The following KCNK10 variants were observed in gnomAD, a reference collection of about 807,000 sequenced individuals.
KCNK10 encodes potassium channel subfamily K member 10.
A neutral mutation model predicts 47.7 loss-of-function variants in KCNK10; 25 were observed. The observed-to-expected ratio is 0.52, with a 90% confidence interval of 0.38 to 0.73. The LOEUF is 0.73. KCNK10 is among the 30% of genes least tolerant of loss of function. The pLI is 0.00. For synonymous variants in KCNK10, 303 were observed against 285.6 expected, an observed-to-expected ratio of 1.06 and a Z score of -0.61; for missense variants, 563 against 714.5, an observed-to-expected ratio of 0.79 and a Z score of 2.42.
intron 1 of KCNK10, among the ~76,000 whole-genome samples, chr14:88,284,325 G>GCATTAGTCA (rs1305966424): frequency 6.6e-6 from 1 of 152,086 alleles, no homozygotes; most frequent in East Asian, 1.9e-4. Context: ...CTCCATGACT[G>GCATTAGTCA]CATTAGTCAG....
intron 2 of KCNK10, among the ~76,000 whole-genome samples, chr14:88,242,897 A>G (rs1201567037): frequency 6.6e-6 from 1 of 152,204 alleles, no homozygotes; most frequent in Non-Finnish European, 1.5e-5. Context: ...AGGTTGCCTC[A>G]AATCATACCA....
rs3994047 is a variant in KCNK10, at chr14:88,274,549, T to TAAAAAAAAAAAAAAAAAAAA, written c.53-10999_53-10998insTTTTTTTTTTTTTTTTTTTT. 9.9e-5 allele frequency among the ~76,000 whole-genome samples: 4 copies of TAAAAAAAAAAAAAAAAAAAA among 40,502 alleles called. 1 individual carries two copies. Among genetic ancestry groups the TAAAAAAAAAAAAAAAAAAAA allele is most frequent in the African/African-American group, 1.1e-4 (1 of 9,490 alleles). 26.6% of individuals were successfully genotyped at this position (40,502 alleles called of 152,430 possible). A position where few individuals can be genotyped will look rare whatever the true frequency, so the allele number is the denominator to read the frequency against. On this transcript the variant is annotated intron_variant, in intron 1 of 6. Coordinates refer to ENST00000319231, the MANE Select transcript of KCNK10 (RefSeq NM_138317.3). ...CTGGGTGACAGAGTGAGACTCTATC[T>TAAAAAAAAAAAAAAAAAAAA]AAAAAAAAAAAAAAAAAGATCTTAT...
intron 3 of KCNK10, among the ~76,000 whole-genome samples, chr14:88,229,012 C>G (rs367805304): frequency 1.3e-5 from 2 of 152,162 alleles, no homozygotes; most frequent in Non-Finnish European, 2.9e-5. Flanking sequence ...ATAAATGAGC[C>G]TCTACAGTTT....
At chr14:88,269,707 G>A (rs1263533445) in intron 1 of KCNK10, among the ~76,000 whole-genome samples, 1 of 152,116 alleles carries the variant, frequency 6.6e-6, no homozygotes, top group Non-Finnish European at 1.5e-5. Context: ...AAAGTGCTGG[G>A]ATTACAAGTA....
intron 4 of KCNK10, among the ~76,000 whole-genome samples, chr14:88,197,859 GGAGAGAGAGAGAGAGAGA>G (rs71126969): frequency 8.0e-6 from 1 of 125,352 alleles, no homozygotes; most frequent in Non-Finnish European, 1.6e-5. Flanking sequence ...AGGAGGGAAG[GGAGAGAGAGAGAGAGAGA>G]GAGAGAGAGA....
At chr14:88,230,873 G>T (rs1886140487) in intron 3 of KCNK10, among the ~76,000 whole-genome samples, 1 of 152,166 alleles carries the variant, frequency 6.6e-6, no homozygotes, top group South Asian at 2.1e-4. Context: ...CACCTCATGT[G>T]GTTATGCAGG....
chr14:88,227,385 T>C lies in KCNK10; in HGVS notation c.671A>G (p.Lys224Arg). Residue 224 changes from lysine (K) to arginine (R), a missense_variant, in exon 4 of 7, where the codon AAG becomes AGG. Transcript: ENST00000319231. Reference protein sequence around the residue: ...IFGKSIARVEKVFRKKQVSQT... With the variant: ...IFGKSIARVERVFRKKQVSQT... Reference sequence around the variant, plus strand: ...TGACACAGTACTCACTCGAAAGACCTTCTCCACTCTTGCAATGCTTTTCCC... The same window carrying C: ...TGACACAGTACTCACTCGAAAGACCCTCTCCACTCTTGCAATGCTTTTCCC... 2 of 1,610,334 alleles carry C rather than the reference T, an allele frequency of 1.2e-6. No individual in the cohort carries two copies. Among genetic ancestry groups the C allele is most frequent in the Non-Finnish European group, 1.7e-6 (2 of 1,178,732 alleles).
chr14:88,326,156 G>T (rs1888656740), upstream of KCNK10, among the ~76,000 whole-genome samples: 1 of 148,716 alleles, frequency 6.7e-6, no homozygotes, highest in Admixed American at 6.7e-5. Flanking sequence ...TCCTTTCTCA[G>T]AATGTAGACA....
At chr14:88,263,860 C>T (rs1218274343) in intron 1 of KCNK10, among the ~76,000 whole-genome samples, 2 of 152,158 alleles carry the variant, frequency 1.3e-5, no homozygotes, top group Non-Finnish European at 2.9e-5. Flanking sequence ...TTCACCTCCT[C>T]CCTTAGCTTC....
chr14:88,251,873 T>C (rs779164053), intron 2 of KCNK10, among the ~76,000 whole-genome samples: 4 of 152,176 alleles, frequency 2.6e-5, no homozygotes, highest in African/African-American at 9.7e-5. Context: ...CTTCCTCCCA[T>C]CCAGGGCCTT....
At chr14:88,214,689 T>G (rs1885564488) in intron 4 of KCNK10, among the ~76,000 whole-genome samples, 1 of 152,144 alleles carries the variant, frequency 6.6e-6, no homozygotes, top group Non-Finnish European at 1.5e-5. Context: ...AGATATTAAC[T>G]AATAATGAGC....
chr14:88,188,835 C>G (rs1195683554), intron 5 of KCNK10, among the ~76,000 whole-genome samples: 1 of 152,204 alleles, frequency 6.6e-6, no homozygotes. Flanking sequence ...ACTGGCTGTT[C>G]CATTGAAAGG....
intron 3 of KCNK10, among the ~76,000 whole-genome samples, chr14:88,235,753 A>G (rs889624638): frequency 9.2e-5 from 14 of 152,200 alleles, no homozygotes; most frequent in African/African-American, 3.4e-4. Context: ...AAGTTACAAT[A>G]TATGTATAGC....
intron 1 of KCNK10, among the ~76,000 whole-genome samples, chr14:88,310,993 G>GA (rs1160105162): frequency 6.6e-6 from 1 of 152,130 alleles, no homozygotes; most frequent in South Asian, 2.1e-4. Context: ...CAAAGCCAGG[G>GA]AAAATATCAT....
At chr14:88,312,709 AT>A (rs1404094089) in intron 1 of KCNK10, among the ~76,000 whole-genome samples, 1 of 152,192 alleles carries the variant, frequency 6.6e-6, no homozygotes, top group East Asian at 1.9e-4. Context: ...AATAGGGTGG[AT>A]TATGGGGTCT....
At position 88,205,542 on chromosome 14, in the gene KCNK10, CTTT is replaced by C. The variant is rs200265659; in HGVS notation, c.682-13135_682-13133del. ...GTGCATTTTTCTTTTCTTTTCTTTTCTTTTTTTTTTTTTTTTTTTTGAGATGGA... is the reference window on the plus strand; with the variant it reads ...GTGCATTTTTCTTTTCTTTTCTTTTCTTTTTTTTTTTTTTTTTGAGATGGA... On this transcript the variant is annotated intron_variant, in intron 4 of 6. Transcript: ENST00000319231. Among the ~76,000 whole-genome samples, 860 of 115,746 alleles carry C rather than the reference CTTT, an allele frequency of 7.4e-3. 6 individuals are homozygous for C. The highest frequency in any genetic ancestry group is 0.023 in the African/African-American group (713 of 30,414). 75.9% of individuals were successfully genotyped at this position (115,746 alleles called of 152,430 possible).
At chr14:88,293,816 T>C (rs1387262808) in intron 1 of KCNK10, among the ~76,000 whole-genome samples, 1 of 151,784 alleles carries the variant, frequency 6.6e-6, no homozygotes, top group Non-Finnish European at 1.5e-5. Flanking sequence ...GCTGGGACTA[T>C]AGGCATGCAC....
At position 88,187,963 on chromosome 14, in the gene KCNK10, C is replaced by T; in HGVS notation, c.1011+4G>A. ...ACATTCATAGGGTTAGGAAGGGGTC[C>T]TACCTCTTCTTTTGTCTTTTTGGAC... On this transcript the variant is annotated splice_donor_region_variant and intron_variant, in intron 6 of 6. Coordinates refer to ENST00000319231, the MANE Select transcript of KCNK10 (RefSeq NM_138317.3). 1 of 1,613,964 alleles carries T rather than the reference C, an allele frequency of 6.2e-7. No individual in the cohort carries two copies.
At chr14:88,292,023 T>C (rs1887890236) in intron 1 of KCNK10, among the ~76,000 whole-genome samples, 1 of 152,170 alleles carries the variant, frequency 6.6e-6, no homozygotes, top group Admixed American at 6.5e-5. Flanking sequence ...GCATCATCCA[T>C]GTCTGTAGAG....
Sources: allele counts gnomAD v4.1 joint callset (sites outside exome capture counted in the v4.1 genomes callset), GRCh38; gene constraint gnomAD v4.1.1; transcripts MANE v1.5; gene names NCBI Gene and HGNC (gene_info 2026-07-23, HGNC 2026-07-21).